Variants in IL7 observed in about 807,000 individuals in gnomAD.
The protein encoded by IL7 is interleukin-7.
IL7 carries 3 observed loss-of-function variants against 21.6 expected under a neutral mutation model. The ratio of observed to expected loss-of-function variants is 0.14; its 90% confidence interval spans 0.06 to 0.36. IL7 has a LOEUF of 0.36. Among genes scored for constraint, IL7 ranks in the 10% least tolerant of loss-of-function variants. IL7 has a pLI of 1.00. For missense variants in IL7, 175 were observed against 200.2 expected (o/e 0.87, Z 0.76); for synonymous variants, 62 against 68.1 (o/e 0.91, Z 0.44).
chr8:78,732,358 G>A (rs929163286), downstream of IL7, among the ~76,000 whole-genome samples: 10 of 152,062 alleles, frequency 6.6e-5, no homozygotes, highest in Non-Finnish European at 1.0e-4. Flanking sequence ...TATGGGTCAA[G>A]GAAAGTGAGA....
chr8:78,762,087 G>C, intron 2 of IL7: 1 of 1,600,900 alleles, frequency 6.2e-7, no homozygotes, highest in Non-Finnish European at 8.5e-7. Flanking sequence ...TTCTGTTTCA[G>C]TGTCCTGATT....
chr8:78,742,412 A>C (rs142179451), intron 2 of IL7, among the ~76,000 whole-genome samples: 1 of 152,284 alleles, frequency 6.6e-6, no homozygotes, highest in African/African-American at 2.4e-5. Context: ...ATATTTTATA[A>C]ATATGGAAAA....
chr8:78,763,550 C>G (rs545337934), intron 2 of IL7, among the ~76,000 whole-genome samples: 2 of 152,120 alleles, frequency 1.3e-5, no homozygotes, highest in Non-Finnish European at 2.9e-5. Context: ...ATGAGCAACT[C>G]TAAATCCACA....
intron 2 of IL7, among the ~76,000 whole-genome samples, chr8:78,786,766 C>A (rs983659988): frequency 3.9e-5 from 6 of 152,132 alleles, no homozygotes; most frequent in African/African-American, 1.4e-4. Flanking sequence ...AAAGGAATGT[C>A]TTTTTCTGTG....
At chr8:78,773,633 A>G (rs1455515086) in intron 2 of IL7, among the ~76,000 whole-genome samples, 3 of 152,158 alleles carry the variant, frequency 2.0e-5, no homozygotes, top group Non-Finnish European at 4.4e-5. Context: ...TCCTTCTCCA[A>G]TGCCCACATA....
chr8:78,804,955 CGCAACTGGAGCAGGA>C lies in IL7; in HGVS notation c.-48_-34del. 6.2e-7 allele frequency: 1 copy of C among 1,608,944 alleles called. No homozygotes were observed. Among genetic ancestry groups the C allele is most frequent in the East Asian group, 2.2e-5 (1 of 44,570 alleles). On this transcript the variant is annotated 5_prime_UTR_variant, in exon 1 of 6. Coordinates refer to ENST00000263851, the MANE Select transcript of IL7 (RefSeq NM_000880.4). Reference sequence around the variant, plus strand: ...GGGAGGCGGGCGTAGTCATGATGACCGCAACTGGAGCAGGAGCAAGCTCTCACCGCCCATAGTCAC... The same window carrying C: ...GGGAGGCGGGCGTAGTCATGATGACCGCAAGCTCTCACCGCCCATAGTCAC...
chr8:78,690,824 C>T (rs1810188311), intron 3 of IL7, among the ~76,000 whole-genome samples: 1 of 151,954 alleles, frequency 6.6e-6, no homozygotes, highest in Non-Finnish European at 1.5e-5. Flanking sequence ...TTAGATTTTC[C>T]AAGTATATCA....
intron 1 of IL7, 53 bp from the exon 2 acceptor site, chr8:78,798,261 G>C (rs538088267): frequency 7.5e-7 from 1 of 1,337,892 alleles, no homozygotes; most frequent in Non-Finnish European, 1.0e-6. Flanking sequence ...TATTGCATTT[G>C]ATTGTGGGGT....
chr8:78,726,748 C>A (rs1362972227), intron 3 of IL7, among the ~76,000 whole-genome samples: 2 of 151,934 alleles, frequency 1.3e-5, no homozygotes, highest in African/African-American at 4.8e-5. Context: ...CTTAATAGTG[C>A]ACTCCAGTCC....
Position 78,693,211 on chromosome 8 carries a change from T to C in IL7, n.215-7264A>G, listed in dbSNP as rs555073318. On this transcript the variant is annotated intron_variant and non_coding_transcript_variant, in intron 3 of 4. Coordinates refer to the IL7 transcript ENST00000523959. The stretch of plus-strand genomic sequence containing the variant: ...AAACATACGTGTTTATGTGTCTTTA[T>C]AGCAGCATGATTTATAGTCCTTTGG... 1.2e-3 allele frequency among the ~76,000 whole-genome samples: 188 copies of C among 152,290 alleles called. 7 individuals are homozygous for C. In the South Asian group the frequency reaches 0.034, roughly 28 times the overall value.
At chr8:78,726,836 A>G (rs1048250233) in intron 3 of IL7, among the ~76,000 whole-genome samples, 1 of 152,054 alleles carries the variant, frequency 6.6e-6, no homozygotes, top group Non-Finnish European at 1.5e-5. Flanking sequence ...TGTCTTGTTT[A>G]GGATGCAAAG....
chr8:78,718,982 CTT>C (rs1408451506), intron 6 of IL7: 2 of 151,532 alleles, frequency 1.3e-5, no homozygotes, highest in Admixed American at 1.3e-4. Context: ...GAGTTACAAA[CTT>C]AATAGGAATT....
At chr8:78,692,297 A>G (rs571564775) in intron 3 of IL7, among the ~76,000 whole-genome samples, 2 of 152,242 alleles carry the variant, frequency 1.3e-5, no homozygotes, top group South Asian at 2.1e-4. Flanking sequence ...TGGTATTCAC[A>G]TGCCTGTGCC....
In IL7 at chr8:78,779,061, T is replaced by C. The variant is rs190652580; in HGVS notation, c.147+19011A>G. On this transcript the variant is annotated intron_variant, in intron 2 of 5. Coordinates refer to ENST00000263851, the MANE Select transcript of IL7 (RefSeq NM_000880.4). ...TTTCTCCTTGTGTATTGTTGGTGTA[T>C]AGGAATGCTTGTGATTTTTGCACAT... Among the ~76,000 whole-genome samples the C allele has an allele frequency of 1.5e-3, 235 of 152,320 alleles. 1 individual carries two copies. The highest frequency in any genetic ancestry group is 5.5e-3 in the African/African-American group (227 of 41,578).
At chr8:78,738,429 A>G (rs2130682786) in intron 4 of IL7, 75 bp downstream of exon 4, 1 of 1,213,536 alleles carries the variant, frequency 8.2e-7, no homozygotes, top group Non-Finnish European at 1.2e-6. Flanking sequence ...AATGGATGTG[A>G]TCATCAGAGA....
chr8:78,804,105 CAT>C lies in IL7; in HGVS notation c.10+806_10+807del, dbSNP rs1439792708. ...TAAGTTTTTTGGCTCTTTCATTGGT[CAT>C]ATATGACTGCCATCCGAATCCAACC... On this transcript the variant is annotated intron_variant, in intron 1 of 5. Transcript: ENST00000263851. Among the ~76,000 whole-genome samples, 3 of 152,136 alleles carry C rather than the reference CAT, an allele frequency of 2.0e-5. No individual in the cohort carries two copies. The East Asian group carries it at 5.8e-4, about 30-fold the overall frequency.
chr8:78,728,835 A>G (rs568156641), downstream of IL7, among the ~76,000 whole-genome samples: 70 of 152,050 alleles, frequency 4.6e-4, no homozygotes, highest in South Asian at 0.013. Flanking sequence ...GAAAATGCCA[A>G]TTTCTAGTCT....
At chr8:78,800,780 G>A (rs1466415137) in intron 1 of IL7, among the ~76,000 whole-genome samples, 8 of 151,998 alleles carry the variant, frequency 5.3e-5, no homozygotes, top group Non-Finnish European at 8.8e-5. Context: ...AGATGATAGA[G>A]GAAAAATTAT....
intron 2 of IL7, among the ~76,000 whole-genome samples, chr8:78,746,230 A>G (rs984864092): frequency 5.3e-5 from 8 of 152,226 alleles, no homozygotes; most frequent in African/African-American, 1.7e-4. Context: ...CTGTGGATCA[A>G]GAATTTGGAA....
Sources: gnomAD v4.1 joint callset for allele counts (sites outside exome capture counted in the v4.1 genomes callset) on GRCh38, gnomAD v4.1.1 for gene constraint, MANE v1.5 for transcripts, NCBI Gene and HGNC (gene_info 2026-07-23, HGNC 2026-07-21) for gene names.